Variants in STXBP5L observed in about 807,000 individuals in gnomAD.
The protein encoded by STXBP5L is syntaxin-binding protein 5-like.
Under a neutral mutation model 144.5 loss-of-function variants are expected in STXBP5L, and 65 were observed. The observed-to-expected ratio is 0.45, with a 90% confidence interval of 0.37 to 0.55. The LOEUF is 0.55. STXBP5L is among the 20% of genes least tolerant of loss of function. The pLI, the probability that STXBP5L is intolerant of heterozygous loss-of-function variation, is 0.00. For synonymous variants in STXBP5L, 505 were observed against 469.6 expected (o/e 1.08, Z -0.97); for missense variants, 1,298 against 1,405.5 (o/e 0.92, Z 1.22).
rs1042274883 is a variant in STXBP5L, at chr3:121,343,721, A to G, written c.2176+25181A>G. On this transcript the variant is annotated intron_variant, in intron 20 of 26. Coordinates refer to ENST00000471454, the MANE Select transcript of STXBP5L (RefSeq NM_001308330.2). The stretch of plus-strand genomic sequence containing the variant: ...GTGAAGGACCTCTTCAAGGAGAACT[A>G]CAAATCACTGCTCAAGGAAATAAAA... Among the ~76,000 whole-genome samples the G allele has an allele frequency of 1.2e-4, 18 of 152,178 alleles. 1 individual carries two copies. Among genetic ancestry groups the G allele is most frequent in the Admixed American group, 3.3e-4 (5 of 15,268 alleles).
In STXBP5L at chr3:121,355,165, T is replaced by G. The variant is rs532676658; in HGVS notation, c.2177-23551T>G. 3.9e-5 allele frequency among the ~76,000 whole-genome samples: 6 copies of G among 152,310 alleles called. No homozygotes were observed. In the East Asian group the frequency reaches 7.7e-4, roughly 20 times the overall value. ...TTGGTGAATCTGACAATTATGTTCC[T>G]TGGGGTTGCTCTTCTCAAGGAGTAT... On this transcript the variant is annotated intron_variant, in intron 20 of 26. Transcript: ENST00000471454.
chr3:121,372,102 G>T (rs920667342), intron 20 of STXBP5L, among the ~76,000 whole-genome samples: 3 of 152,178 alleles, frequency 2.0e-5, no homozygotes, highest in African/African-American at 7.2e-5. Flanking sequence ...TGTGGTGCAG[G>T]CAGGGGCACT....
At chr3:120,981,111 C>T (rs1941727607) in intron 3 of STXBP5L, among the ~76,000 whole-genome samples, 1 of 151,878 alleles carries the variant, frequency 6.6e-6, no homozygotes. Flanking sequence ...GCTGATTAGC[C>T]CCTTCTTTCT....
In STXBP5L at chr3:121,271,598, A is replaced by G. The variant is rs576236737; in HGVS notation, c.1959-8207A>G. ...CACTTTTTGATATATATGAGATACA[A>G]TTTTAAAGGATATATAGAGGTTATA... On this transcript the variant is annotated intron_variant, in intron 18 of 26. Transcript: ENST00000471454. 2.0e-4 allele frequency among the ~76,000 whole-genome samples: 31 copies of G among 152,308 alleles called. 1 individual carries two copies. The highest frequency in any genetic ancestry group is 1.0e-3 in the Admixed American group (16 of 15,294).
chr3:121,136,118 A>C (rs1455328946), intron 7 of STXBP5L, among the ~76,000 whole-genome samples: 1 of 152,170 alleles, frequency 6.6e-6, no homozygotes, highest in African/African-American at 2.4e-5. Context: ...TCTTAGTAGC[A>C]GTGGACTTTG....
Position 121,391,780 on chromosome 3 carries a change from G to T in STXBP5L, c.2587+10248G>T, listed in dbSNP as rs186494436. On this transcript the variant is annotated intron_variant, in intron 22 of 26. Coordinates refer to ENST00000471454, the MANE Select transcript of STXBP5L (RefSeq NM_001308330.2). Reference sequence around the variant, plus strand: ...GCCTGATCCTTCCTCTGGAAGCTTCGTCCCAGAGGGGCAGCCACCTATATG... The same window carrying T: ...GCCTGATCCTTCCTCTGGAAGCTTCTTCCCAGAGGGGCAGCCACCTATATG... Among the ~76,000 whole-genome samples, 145 of 152,208 alleles carry T rather than the reference G, an allele frequency of 9.5e-4. 1 individual carries two copies. The highest frequency in any genetic ancestry group is 3.1e-3 in the African/African-American group (129 of 41,538).
intron 19 of STXBP5L, among the ~76,000 whole-genome samples, chr3:121,288,428 C>T (rs796649886): frequency 5.9e-5 from 9 of 152,328 alleles, no homozygotes; most frequent in African/African-American, 1.9e-4. Flanking sequence ...CTGATTTCCA[C>T]AATGGCTGAA....
At chr3:121,225,052 T>C (rs1380421887) in intron 11 of STXBP5L, among the ~76,000 whole-genome samples, 1 of 152,124 alleles carries the variant, frequency 6.6e-6, no homozygotes, top group Non-Finnish European at 1.5e-5. Flanking sequence ...CTTTGTTTTT[T>C]AGCAATGTGG....
At position 121,025,306 on chromosome 3, in the gene STXBP5L, C is replaced by T. The variant is rs1223125363; in HGVS notation, c.288-16394C>T. On this transcript the variant is annotated intron_variant, in intron 3 of 26. Transcript: ENST00000471454. ...GATTCCTTGGACAGCTTAGGATGTA[C>T]ACAGTAGATTGAGGGAGTAGTTGGG... 3.3e-5 allele frequency among the ~76,000 whole-genome samples: 5 copies of T among 152,190 alleles called. No homozygotes were observed. The East Asian group carries it at 9.7e-4, about 29-fold the overall frequency.
chr3:121,019,703 C>A (rs77747508), intron 3 of STXBP5L, among the ~76,000 whole-genome samples: 1 of 152,168 alleles, frequency 6.6e-6, no homozygotes, highest in Non-Finnish European at 1.5e-5. Flanking sequence ...TCTCAGGAAG[C>A]TCCACCGCAG....
At chr3:121,098,916 T>G (rs2043273866) in intron 5 of STXBP5L, among the ~76,000 whole-genome samples, 1 of 152,154 alleles carries the variant, frequency 6.6e-6, no homozygotes, top group Non-Finnish European at 1.5e-5. Flanking sequence ...TTCAGGCACA[T>G]TATCATGGTC....
intron 3 of STXBP5L, among the ~76,000 whole-genome samples, chr3:120,989,848 A>G (rs990192972): frequency 6.6e-6 from 1 of 152,158 alleles, no homozygotes; most frequent in East Asian, 1.9e-4. Flanking sequence ...CACAGCCAAT[A>G]TCATACTGAA....
intron 14 of STXBP5L, among the ~76,000 whole-genome samples, chr3:121,245,545 C>CCTCCAAGAAA (rs2049821670): frequency 6.6e-6 from 1 of 151,908 alleles, no homozygotes; most frequent in Admixed American, 6.6e-5. Flanking sequence ...CTATATGCTG[C>CCTCCAAGAAA]CTCCAAGAAA....
intron 12 of STXBP5L, among the ~76,000 whole-genome samples, chr3:121,238,652 A>T (rs1328939059): frequency 6.6e-6 from 1 of 152,188 alleles, no homozygotes; most frequent in African/African-American, 2.4e-5. Context: ...GAATTAACTA[A>T]GTAAACTTGT....
intron 22 of STXBP5L, among the ~76,000 whole-genome samples, chr3:121,405,758 GA>G (rs1393218662): frequency 6.6e-6 from 1 of 152,048 alleles, no homozygotes; most frequent in East Asian, 1.9e-4. Flanking sequence ...ACATTGTTTG[GA>G]AAACTTAAAC....
At chr3:121,341,359 A>G (rs2044704217) in intron 20 of STXBP5L, among the ~76,000 whole-genome samples, 1 of 152,204 alleles carries the variant, frequency 6.6e-6, no homozygotes, top group South Asian at 2.1e-4. Context: ...AATGGCTTAT[A>G]TCCAAAAGAC....
At chr3:121,206,640 C>T (rs2048345804) in intron 10 of STXBP5L, among the ~76,000 whole-genome samples, 1 of 152,014 alleles carries the variant, frequency 6.6e-6, no homozygotes, top group Non-Finnish European at 1.5e-5. Context: ...CAAAACCCTG[C>T]CTCTGCTAGA....
intron 3 of STXBP5L, among the ~76,000 whole-genome samples, chr3:121,017,499 C>G (rs1044196772): frequency 1.3e-5 from 2 of 152,148 alleles, no homozygotes; most frequent in African/African-American, 2.4e-5. Context: ...AGAAATAACA[C>G]TATCTTTGTT....
At chr3:120,958,610 C>A (rs1938332802) in intron 3 of STXBP5L, among the ~76,000 whole-genome samples, 2 of 152,292 alleles carry the variant, frequency 1.3e-5, no homozygotes, top group South Asian at 2.1e-4. Context: ...ATATGCAAAT[C>A]AATAAATGTA....
Sources: gnomAD v4.1 joint callset for allele counts (sites outside exome capture counted in the v4.1 genomes callset) on GRCh38, gnomAD v4.1.1 for gene constraint, MANE v1.5 for transcripts, NCBI Gene and HGNC (gene_info 2026-07-23, HGNC 2026-07-21) for gene names.